GAREM1: variants seen among roughly 807,000 people sequenced by gnomAD.
The protein encoded by GAREM1 is GRB2 associated regulator of MAPK1 subtype 1.
Under a neutral mutation model 71.3 loss-of-function variants are expected in GAREM1, and 26 were observed. The ratio of observed to expected loss-of-function variants is 0.36; its 90% CI spans 0.27 to 0.51. GAREM1 has a LOEUF of 0.51. GAREM1 is among the 20% of genes least tolerant of loss of function. The pLI is 0.95. For synonymous variants in GAREM1, 440 were observed against 433.2 expected (o/e 1.02, Z -0.20); for missense variants, 1,026 against 1,103.1 (o/e 0.93, Z 0.99).
intron 3 of GAREM1, among the ~76,000 whole-genome samples, chr18:32,309,534 T>C (rs902847703): frequency 2.9e-5 from 4 of 137,970 alleles, no homozygotes; most frequent in African/African-American, 5.5e-5. Context: ...GAGAATGGCA[T>C]GAACCAGGGA....
In GAREM1 at chr18:32,267,351, A is replaced by G. The variant is rs1300283824; in HGVS notation, c.*520T>C. 1 of 152,362 alleles carries G rather than the reference A, an allele frequency of 6.6e-6. No homozygotes were observed. The highest frequency in any genetic ancestry group is 1.5e-5 in the Non-Finnish European group (1 of 68,178). The allele number at this position is 152,362 out of a possible 1,614,324, so 9.4% of individuals were successfully genotyped here. ...TGTGATAAAAAGATCCCCACCAAGC[A>G]TACAACATTAAAGTGTCAATTCGTA... On this transcript the variant is annotated 3_prime_UTR_variant, in exon 6 of 6. Coordinates refer to ENST00000269209, the MANE Select transcript of GAREM1 (RefSeq NM_001242409.2).
chr18:32,271,317 T>G (rs1207139642), intron 4 of GAREM1, among the ~76,000 whole-genome samples: 2 of 152,108 alleles, frequency 1.3e-5, no homozygotes, highest in African/African-American at 2.4e-5. Flanking sequence ...CTCAGCCTCC[T>G]GAGCAGCTGG....
chr18:32,306,335 C>T (rs1407888414), intron 3 of GAREM1, among the ~76,000 whole-genome samples: 2 of 152,182 alleles, frequency 1.3e-5, no homozygotes, highest in African/African-American at 4.8e-5. Context: ...GCTCAGTCCT[C>T]AGAGCTCTTC....
At chr18:32,403,562 T>C (rs947084336) in intron 1 of GAREM1, among the ~76,000 whole-genome samples, 14 of 152,190 alleles carry the variant, frequency 9.2e-5, no homozygotes, top group Non-Finnish European at 5.9e-5. Context: ...GTGAATGTCT[T>C]CTTGATCCTA....
chr18:32,350,846 T>C (rs1470032726), intron 2 of GAREM1, among the ~76,000 whole-genome samples: 4 of 152,184 alleles, frequency 2.6e-5, no homozygotes, highest in Non-Finnish European at 1.5e-5. Context: ...TTAAGTTTTA[T>C]GGCATATCAG....
chr18:32,304,009 G>A (rs1036779489), intron 3 of GAREM1, among the ~76,000 whole-genome samples: 1 of 150,782 alleles, frequency 6.6e-6, no homozygotes, highest in Non-Finnish European at 1.5e-5. Flanking sequence ...AGGGAGAGGA[G>A]GGATAAGAGA....
intron 1 of GAREM1, among the ~76,000 whole-genome samples, chr18:32,409,531 T>A (rs1198567840): frequency 6.6e-6 from 1 of 152,108 alleles, no homozygotes; most frequent in Non-Finnish European, 1.5e-5. Flanking sequence ...TCAAAGAACT[T>A]CATGGTGAAA....
chr18:32,435,129 C>G (rs1392543668), intron 1 of GAREM1, among the ~76,000 whole-genome samples: 3 of 151,464 alleles, frequency 2.0e-5, no homozygotes, highest in African/African-American at 7.3e-5. Context: ...AATAAATGAC[C>G]AGGATTCTTC....
intron 3 of GAREM1, among the ~76,000 whole-genome samples, chr18:32,297,609 C>T (rs1362500247): frequency 1.3e-5 from 2 of 152,134 alleles, no homozygotes; most frequent in Admixed American, 1.3e-4. Context: ...TACTGAATAT[C>T]GTTCAAATTT....
chr18:32,314,198 A>G (rs1451192882), intron 2 of GAREM1, among the ~76,000 whole-genome samples: 1 of 152,106 alleles, frequency 6.6e-6, no homozygotes, highest in East Asian at 1.9e-4. Flanking sequence ...TCCATGCACA[A>G]ATTCTTAACA....
intron 1 of GAREM1, among the ~76,000 whole-genome samples, chr18:32,448,689 C>T (rs767643581): frequency 2.6e-5 from 4 of 152,086 alleles, no homozygotes; most frequent in African/African-American, 4.8e-5. Context: ...TATTTATGTA[C>T]CTTTGAGGAC....
intron 1 of GAREM1, among the ~76,000 whole-genome samples, chr18:32,421,656 T>C (rs113378581): frequency 0.016 from 2,432 of 152,262 alleles, 76 homozygotes; most frequent in African/African-American, 0.056. Context: ...CCAGGGTCTA[T>C]CTCAGGCCTC....
chr18:32,439,368 G>A (rs1329933903), intron 1 of GAREM1, among the ~76,000 whole-genome samples: 1 of 152,186 alleles, frequency 6.6e-6, no homozygotes, highest in East Asian at 1.9e-4. Context: ...TTGCCAGGCT[G>A]ACATCAGATA....
intron 1 of GAREM1, among the ~76,000 whole-genome samples, chr18:32,461,992 C>T (rs1238091464): frequency 6.6e-6 from 1 of 152,194 alleles, no homozygotes; most frequent in African/African-American, 2.4e-5. Flanking sequence ...GACTAAAATA[C>T]TCCCTCTTTA....
chr18:32,384,020 C>T (rs1275695915), intron 2 of GAREM1, among the ~76,000 whole-genome samples: 1 of 152,140 alleles, frequency 6.6e-6, no homozygotes, highest in Non-Finnish European at 1.5e-5. Context: ...CATATTCTCC[C>T]TTTCCATATC....
intron 1 of GAREM1, among the ~76,000 whole-genome samples, chr18:32,414,898 C>T (rs1450431591): frequency 1.3e-5 from 2 of 151,512 alleles, no homozygotes; most frequent in Non-Finnish European, 2.9e-5. Context: ...GAACACAATA[C>T]AAAATACCAA....
rs118100896 is a variant in GAREM1 at position 32,405,698 on chromosome 18, T to C, written c.122-12663A>G. On this transcript the variant is annotated intron_variant, in intron 1 of 5. Transcript: ENST00000269209. ...CTACTTCCTGTCCTGGCCTTACCCA[T>C]GAAAGCTGCTCACAAGCTATCCTCT... Among the ~76,000 whole-genome samples, 429 of 152,296 alleles carry C rather than the reference T, an allele frequency of 2.8e-3. 3 individuals carry two copies. The highest frequency in any genetic ancestry group is 4.9e-3 in the Non-Finnish European group (334 of 68,018).
At chr18:32,442,716 C>T (rs1244841103) in intron 1 of GAREM1, among the ~76,000 whole-genome samples, 2 of 152,166 alleles carry the variant, frequency 1.3e-5, no homozygotes, top group East Asian at 3.8e-4. Flanking sequence ...TTGCCCTCTA[C>T]TCAGTAGCTT....
intron 1 of GAREM1, among the ~76,000 whole-genome samples, chr18:32,462,804 G>T (rs1234725752): frequency 6.6e-6 from 1 of 152,130 alleles, no homozygotes; most frequent in African/African-American, 2.4e-5. Flanking sequence ...GCATTAGATA[G>T]GAGTTCAGTA....
Sources: gnomAD v4.1 joint callset for allele counts (sites outside exome capture counted in the v4.1 genomes callset) on GRCh38, gnomAD v4.1.1 for gene constraint, MANE v1.5 for transcripts, NCBI Gene and HGNC (gene_info 2026-07-23, HGNC 2026-07-21) for gene names.